The following DPF3 variants were observed in gnomAD, a reference collection of about 807,000 sequenced individuals.
DPF3 encodes zinc finger protein DPF3.
A neutral mutation model predicts 56.8 loss-of-function variants in DPF3; 18 were observed. That is an observed-to-expected ratio of 0.32 (90% CI 0.22 to 0.47). DPF3 has a LOEUF of 0.47. DPF3 is among the 20% of genes least tolerant of loss of function. The pLI is 1.00. For synonymous variants in DPF3, 188 were observed against 180.2 expected, an observed-to-expected ratio of 1.04 and a Z score of -0.35; for missense variants, 403 against 488.8, an observed-to-expected ratio of 0.82 and a Z score of 1.65.
chr14:72,743,321 T>C (rs1421604606), intron 3 of DPF3, among the ~76,000 whole-genome samples: 1 of 151,348 alleles, frequency 6.6e-6, no homozygotes, highest in Non-Finnish European at 1.5e-5. Flanking sequence ...GATAAGTGAG[T>C]GTGTCGGGCC....
chr14:72,823,912 T>G (rs1467042980), intron 1 of DPF3, among the ~76,000 whole-genome samples: 2 of 152,134 alleles, frequency 1.3e-5, no homozygotes, highest in African/African-American at 4.8e-5. Flanking sequence ...TCCTTCCAGC[T>G]GTAGGGAAGC....
At chr14:72,864,038 C>T (rs899123360) in intron 1 of DPF3, among the ~76,000 whole-genome samples, 7 of 152,134 alleles carry the variant, frequency 4.6e-5, no homozygotes, top group Non-Finnish European at 7.4e-5. Context: ...GAATGGGAGG[C>T]TGAAATGTGA....
At chr14:72,796,799 A>G (rs1397754944) in intron 1 of DPF3, among the ~76,000 whole-genome samples, 3 of 152,112 alleles carry the variant, frequency 2.0e-5, no homozygotes, top group Non-Finnish European at 4.4e-5. Flanking sequence ...GCAAGCTACA[A>G]CTATCATTGT....
intron 8 of DPF3, among the ~76,000 whole-genome samples, chr14:72,673,282 A>G (rs1240544493): frequency 6.6e-6 from 1 of 152,204 alleles, no homozygotes; most frequent in Non-Finnish European, 1.5e-5. Context: ...TGAAAAAGAC[A>G]CTGGATAGAA....
intron 7 of DPF3, among the ~76,000 whole-genome samples, chr14:72,691,805 C>T (rs1021726806): frequency 3.3e-5 from 5 of 151,906 alleles, no homozygotes; most frequent in South Asian, 2.1e-4. Context: ...GATAACTGTG[C>T]GAGCGGACAG....
At chr14:72,624,851 C>T (rs966193724) in intron 9 of DPF3, among the ~76,000 whole-genome samples, 2 of 152,210 alleles carry the variant, frequency 1.3e-5, no homozygotes, top group African/African-American at 4.8e-5. Context: ...CATATGCATA[C>T]ATTTTTTAGC....
intron 8 of DPF3, among the ~76,000 whole-genome samples, chr14:72,634,592 T>C (rs1024145946): frequency 6.6e-6 from 1 of 152,154 alleles, no homozygotes; most frequent in Non-Finnish European, 1.5e-5. Context: ...TATGGTCACT[T>C]GATATTTGAG....
intron 1 of DPF3, among the ~76,000 whole-genome samples, chr14:72,775,644 T>C (rs1448480900): frequency 1.3e-5 from 2 of 152,188 alleles, no homozygotes; most frequent in Non-Finnish European, 2.9e-5. Context: ...CAGAAAAGAC[T>C]TTCTGTGGAC....
chr14:72,830,337 C>T (rs544433897), intron 1 of DPF3, among the ~76,000 whole-genome samples: 34 of 152,272 alleles, frequency 2.2e-4, no homozygotes, highest in Non-Finnish European at 3.2e-4. Context: ...TTTTAAAGTA[C>T]GCTTTCTTAA....
chr14:72,621,107 C>G (rs1884410807), intron 9 of DPF3, among the ~76,000 whole-genome samples: 2 of 149,922 alleles, frequency 1.3e-5, no homozygotes, highest in Admixed American at 1.3e-4. Flanking sequence ...CACCACTGCA[C>G]TCCAGCCTGG....
In DPF3 at chr14:72,674,562, C is replaced by A. The variant is rs1314285100; in HGVS notation, c.743-194G>T. 3.3e-5 allele frequency among the ~76,000 whole-genome samples: 5 copies of A among 152,170 alleles called. No individual in the cohort carries two copies. In the South Asian group the frequency reaches 1.0e-3, roughly 32 times the overall value. ...GGTACTAATAATATCTTGCAAGTCA[C>A]CCAGAGTTTAATTTTTAGAGTATTC... On this transcript the variant is annotated intron_variant, in intron 7 of 10. Coordinates refer to ENST00000556509, the MANE Select transcript of DPF3 (RefSeq NM_001280542.3).
chr14:72,687,060 CA>C (rs1887443288), intron 7 of DPF3, among the ~76,000 whole-genome samples: 1 of 152,240 alleles, frequency 6.6e-6, no homozygotes, highest in Non-Finnish European at 1.5e-5. Context: ...GACTAATTTT[CA>C]GATTATCTAA....
At chr14:72,795,189 C>CT (rs1396601360) in intron 1 of DPF3, among the ~76,000 whole-genome samples, 1 of 150,712 alleles carries the variant, frequency 6.6e-6, no homozygotes. Context: ...GCAAGGTACA[C>CT]TTGAATACCG....
chr14:72,875,912 T>A (rs556167698), intron 1 of DPF3, among the ~76,000 whole-genome samples: 1 of 152,132 alleles, frequency 6.6e-6, no homozygotes, highest in Non-Finnish European at 1.5e-5. Flanking sequence ...GCAGCCTCAC[T>A]CTCCCCTATT....
Position 72,669,908 on chromosome 14 carries a change from T to C in DPF3, c.871+4332A>G, listed in dbSNP as rs369394366. 1.7e-4 allele frequency: 170 copies of C among 985,978 alleles called. No individual in the cohort carries two copies. In the African/African-American group the frequency reaches 2.5e-3, roughly 14 times the overall value. The allele number at this position is 985,978 out of a possible 1,614,324, so 61.1% of individuals were successfully genotyped here. On this transcript the variant is annotated intron_variant, in intron 8 of 10. Transcript: ENST00000556509. ...GAAAAAGAAAACTAAAAAATAGATA[T>C]GATGGTTTTGCCCACATTGCAAGAC...
chr14:72,646,100 C>G (rs113677403), intron 8 of DPF3, among the ~76,000 whole-genome samples: 8 of 152,222 alleles, frequency 5.3e-5, no homozygotes, highest in African/African-American at 1.9e-4. Flanking sequence ...ACTCAGTCTT[C>G]ACTCTCTCCA....
chr14:72,791,063 A>G (rs1180794447), intron 1 of DPF3, among the ~76,000 whole-genome samples: 1 of 152,084 alleles, frequency 6.6e-6, no homozygotes, highest in Non-Finnish European at 1.5e-5. Context: ...TGCCCACTGA[A>G]GGTCACAGCT....
chr14:72,868,926 A>G (rs1356357428), intron 1 of DPF3, among the ~76,000 whole-genome samples: 1 of 152,182 alleles, frequency 6.6e-6, no homozygotes, highest in Non-Finnish European at 1.5e-5. Context: ...TAGAAAGTGT[A>G]CTGGATCAAG....
rs1487324297 is a variant in DPF3 at position 72,838,898 on chromosome 14, C to CATATATATATATATATATAT, written c.32+55158_32+55159insATATATATATATATATATAT. 4.9e-3 allele frequency among the ~76,000 whole-genome samples: 392 copies of CATATATATATATATATATAT among 80,500 alleles called. 40 individuals are homozygous for CATATATATATATATATATAT. Among genetic ancestry groups the CATATATATATATATATATAT allele is most frequent in the East Asian group, 0.012 (11 of 946 alleles). The allele number at this position is 80,500 out of a possible 152,430, so 52.8% of individuals were successfully genotyped here. On this transcript the variant is annotated intron_variant, in intron 1 of 10. Transcript: ENST00000556509. The stretch of plus-strand genomic sequence containing the variant: ...GCAAATTATCTATCATATATATTAT[C>CATATATATATATATATATAT]ATATATATTCTTTTTTTTTTTTTTT...
Sources: gnomAD v4.1 joint callset for allele counts (sites outside exome capture counted in the v4.1 genomes callset) on GRCh38, gnomAD v4.1.1 for gene constraint, MANE v1.5 for transcripts, NCBI Gene and HGNC (gene_info 2026-07-23, HGNC 2026-07-21) for gene names.